The following ZKSCAN3 variants were observed in gnomAD, a reference collection of about 807,000 sequenced individuals.
ZKSCAN3 encodes the protein zinc finger with KRAB and SCAN domains 3, also known as zinc finger protein with KRAB and SCAN domains 3.
ZKSCAN3 carries 21 observed loss-of-function variants against 30.7 expected under a neutral mutation model. The ratio of observed to expected loss-of-function variants is 0.68; its 90% CI spans 0.49 to 0.99. The LOEUF (loss-of-function observed/expected upper bound fraction) is 0.99. Among genes scored for constraint, ZKSCAN3 ranks in the 50% least tolerant of loss-of-function variants. ZKSCAN3 has a pLI of 0.00. For missense variants in ZKSCAN3, 507 were observed against 647.1 expected, an observed-to-expected ratio of 0.78 and a Z score of 2.35; for synonymous variants, 201 against 246.7, an observed-to-expected ratio of 0.81 and a Z score of 1.73.
chr6:28,365,431 G>A lies in ZKSCAN3; in HGVS notation c.763G>A (p.Glu255Lys). Residue 255 changes from glutamate (E) to lysine (K), a missense_variant, in exon 6 of 6, where the codon GAA becomes AAA. Coordinates refer to ENST00000252211, the MANE Select transcript of ZKSCAN3 (RefSeq NM_024493.4). ...NHGSLVSLGD[E>K]KQTKSRDLPP... is the part of the protein sequence containing the mutation. ...CCAGTTATTTGTTGTTTCAGGTGAT[G>A]AAAAACAGACTAAGAGCAGGGACTT... 6.2e-7 allele frequency: 1 copy of A among 1,604,388 alleles called. No individual in the cohort carries two copies. Among genetic ancestry groups the A allele is most frequent in the Non-Finnish European group, 8.5e-7 (1 of 1,175,934 alleles).
At position 28,368,281 on chromosome 6, in the gene ZKSCAN3, G is replaced by C. The variant is rs1209801648; in HGVS notation, c.*1996G>C. ...TTACAGGCGTGAGCCACCGCGCCCG[G>C]CCCAAGTATCACTTATGGTTTCAGA... On this transcript the variant is annotated 3_prime_UTR_variant, in exon 6 of 6. Coordinates refer to ENST00000252211, the MANE Select transcript of ZKSCAN3 (RefSeq NM_024493.4). 6.6e-6 allele frequency: 1 copy of C among 152,124 alleles called. No homozygotes were observed. The highest frequency in any genetic ancestry group is 2.4e-5 in the African/African-American group (1 of 41,400). 9.4% of individuals were successfully genotyped at this position (152,124 alleles called of 1,614,324 possible).
chr6:28,364,322 G>C (rs2113929235), intron 5 of ZKSCAN3, among the ~76,000 whole-genome samples: 1 of 152,288 alleles, frequency 6.6e-6, no homozygotes, highest in Middle Eastern at 3.4e-3. Flanking sequence ...CTCCGTGCCA[G>C]TATTCTAGTT....
intron 1 of ZKSCAN3, among the ~76,000 whole-genome samples, chr6:28,350,564 C>A (rs1178467150): frequency 6.6e-6 from 1 of 152,084 alleles, no homozygotes; most frequent in Non-Finnish European, 1.5e-5. Flanking sequence ...GATAATATTC[C>A]CTAACTCACT....
intron 3 of ZKSCAN3, 102 bp downstream of exon 3, chr6:28,361,573 A>G: frequency 7.5e-7 from 1 of 1,327,292 alleles, no homozygotes; most frequent in Non-Finnish European, 1.0e-6. Context: ...TGTGCCCATC[A>G]CAGATCAACT....
intron 2 of ZKSCAN3, chr6:28,360,465 G>A (rs554561386): frequency 5.1e-6 from 3 of 587,546 alleles, no homozygotes; most frequent in Non-Finnish European, 6.4e-6. Context: ...TTCTCTTAAA[G>A]ACTAGTTAAA....
intron 1 of ZKSCAN3, chr6:28,355,984 A>G (rs1182005905): frequency 6.6e-6 from 1 of 152,300 alleles, no homozygotes; most frequent in Non-Finnish European, 1.5e-5. Flanking sequence ...TCCACAGTGC[A>G]TAAGCAGGGA....
intron 1 of ZKSCAN3, among the ~76,000 whole-genome samples, chr6:28,356,605 T>C (rs1248640407): frequency 1.3e-5 from 2 of 152,222 alleles, no homozygotes; most frequent in African/African-American, 2.4e-5. Flanking sequence ...GGCAGACCAC[T>C]GGGTGAGCCT....
intron 4 of ZKSCAN3, 86 bp downstream of exon 4, chr6:28,363,471 C>A: frequency 7.2e-7 from 1 of 1,386,200 alleles, no homozygotes; most frequent in Non-Finnish European, 1.0e-6. Context: ...TTCCCCTCCA[C>A]CCCAATCCTA....
At chr6:28,363,174 C>G (rs943466228) in intron 3 of ZKSCAN3, 129 bp from the exon 4 acceptor site, 1 of 749,528 alleles carries the variant, frequency 1.3e-6, no homozygotes, top group Admixed American at 2.7e-5. Context: ...CAGCTCATTG[C>G]AGCTTCAGAC....
At chr6:28,360,088 A>C in intron 2 of ZKSCAN3, 100 bp downstream of exon 2, 1 of 1,595,072 alleles carries the variant, frequency 6.3e-7, no homozygotes, top group Non-Finnish European at 8.5e-7. Flanking sequence ...GGAGTTCTTC[A>C]TCTCTTTTTT....
At chr6:28,365,280 T>A (rs777011337) in intron 5 of ZKSCAN3, 146 bp from the exon 6 acceptor site, 4 of 1,190,552 alleles carry the variant, frequency 3.4e-6, no homozygotes, top group Non-Finnish European at 4.7e-6. Context: ...ACTCCTGTTC[T>A]CCCCTTTTAT....
At chr6:28,350,854 A>C (rs1379206742) in intron 1 of ZKSCAN3, among the ~76,000 whole-genome samples, 1 of 152,140 alleles carries the variant, frequency 6.6e-6, no homozygotes, top group East Asian at 1.9e-4. Context: ...TGATACTCAA[A>C]CTCTCAAAGG....
At chr6:28,361,827 A>G (rs1021036000) in intron 3 of ZKSCAN3, among the ~76,000 whole-genome samples, 1 of 151,550 alleles carries the variant, frequency 6.6e-6, no homozygotes, top group Non-Finnish European at 1.5e-5. Context: ...TCCTGGGCTC[A>G]AGCAGCCTCC....
chr6:28,363,852 T>C, intron 5 of ZKSCAN3, 37 bp downstream of exon 5: 2 of 1,607,030 alleles, frequency 1.2e-6, no homozygotes, highest in Non-Finnish European at 1.7e-6. Flanking sequence ...TTAAGGTTTC[T>C]TGGCATTCTT....
Position 28,361,438 on chromosome 6 carries a change from G to C in ZKSCAN3, c.517G>C (p.Glu173Gln). 1 of 1,613,476 alleles carries C rather than the reference G, an allele frequency of 6.2e-7. No homozygotes were observed. The highest frequency in any genetic ancestry group is 8.5e-7 in the Non-Finnish European group (1 of 1,179,834). The change falls in exon 3 of 6, where the codon GAA becomes CAA. Residue 173 changes from glutamate to glutamine, a missense_variant. Coordinates refer to ENST00000252211, the MANE Select transcript of ZKSCAN3 (RefSeq NM_024493.4). ...FQLMKALLKH[E>Q]SVGSQPLQDR... The stretch of plus-strand genomic sequence containing the variant: ...GCTAATGAAGGCTCTGCTCAAGCAT[G>C]AATCTGTGGGATCCCAGCCTTTACA...
intron 1 of ZKSCAN3, chr6:28,350,460 G>C (rs1001943273): frequency 3.9e-5 from 6 of 152,182 alleles, no homozygotes; most frequent in Admixed American, 2.0e-4. Flanking sequence ...AGATTACCTG[G>C]TTCAAATCCT....
rs185582129 is a variant in ZKSCAN3 at position 28,363,823 on chromosome 6, T to C, written c.757+8T>C. The C allele has an allele frequency of 5.6e-6, 9 of 1,612,854 alleles. No individual in the cohort carries two copies. The East Asian group carries it at 1.8e-4, about 32-fold the overall frequency. On this transcript the variant is annotated splice_region_variant and intron_variant, in intron 5 of 5. Coordinates refer to ENST00000252211, the MANE Select transcript of ZKSCAN3 (RefSeq NM_024493.4). ...GCAGCCTGGTCTCCCTGGGTAAGACTAAAGGACACTAATTTCTGTTAAGGT... is the reference window on the plus strand; with the variant it reads ...GCAGCCTGGTCTCCCTGGGTAAGACCAAAGGACACTAATTTCTGTTAAGGT...
chr6:28,356,971 T>C (rs1765473924), intron 1 of ZKSCAN3, among the ~76,000 whole-genome samples: 1 of 151,888 alleles, frequency 6.6e-6, no homozygotes, highest in Non-Finnish European at 1.5e-5. Flanking sequence ...GGGGAGTGGG[T>C]GGATGGGGGG....
At chr6:28,363,890 G>C in intron 5 of ZKSCAN3, 75 bp downstream of exon 5, 1 of 1,563,788 alleles carries the variant, frequency 6.4e-7, no homozygotes, top group Non-Finnish European at 8.7e-7. Context: ...TGAGCTATTG[G>C]AAGCTGTTGA....
Sources: allele counts gnomAD v4.1 joint callset (sites outside exome capture counted in the v4.1 genomes callset), GRCh38; gene constraint gnomAD v4.1.1; transcripts MANE v1.5; gene names NCBI Gene and HGNC (gene_info 2026-07-23, HGNC 2026-07-21).